The following LRRC4B variants were observed in gnomAD, a reference collection of about 807,000 sequenced individuals.
The protein encoded by LRRC4B is leucine rich repeat containing 4B, also known as leucine-rich repeat-containing protein 4B.
LRRC4B carries 1 observed loss-of-function variant against 7.3 expected under a neutral mutation model. The observed-to-expected ratio is 0.14, with a 90% confidence interval of 0.05 to 0.65. The LOEUF (loss-of-function observed/expected upper bound fraction) is 0.65, where lower values mean the gene tolerates loss of function less well. Ranked by LOEUF, LRRC4B falls within the 30% of genes least tolerant of loss-of-function variation. The pLI, the probability that LRRC4B is intolerant of heterozygous loss-of-function variation, is 0.84. For missense variants in LRRC4B, 730 were observed against 1,041.6 expected, an observed-to-expected ratio of 0.70 and a Z score of 4.12; for synonymous variants, 500 against 499.2, an observed-to-expected ratio of 1.00 and a Z score of -0.02.
chr19:50,533,956 C>T (rs1981160092), intron 2 of LRRC4B, among the ~76,000 whole-genome samples: 1 of 152,206 alleles, frequency 6.6e-6, no homozygotes, highest in African/African-American at 2.4e-5. Flanking sequence ...CACCTACCCA[C>T]CCTAAACTGA....
intron 2 of LRRC4B, among the ~76,000 whole-genome samples, chr19:50,525,566 C>T (rs35590723): frequency 0.28 from 41,611 of 150,324 alleles, 6,166 homozygotes; most frequent in Non-Finnish European, 0.34. Context: ...CCACCACACC[C>T]GGCTAATTTT....
At chr19:50,525,577 TG>T (rs1180162805) in intron 2 of LRRC4B, among the ~76,000 whole-genome samples, 3 of 139,388 alleles carry the variant, frequency 2.2e-5, no homozygotes, top group Non-Finnish European at 1.6e-5. Context: ...GGCTAATTTT[TG>T]TATTTTTTTT....
rs139554614 is a variant in LRRC4B, at chr19:50,540,704, C to T, written c.297+7838G>A. 4.0e-4 allele frequency among the ~76,000 whole-genome samples: 60 copies of T among 151,582 alleles called. 1 individual carries two copies. In the East Asian group the frequency reaches 8.8e-3, roughly 22 times the overall value. On this transcript the variant is annotated intron_variant, in intron 2 of 2. Transcript: ENST00000652263. ...TGAACCCTATTGTGAACTGTGCAGG[C>T]GAGGGATTTCGTTTACTTGCTCCTT...
intron 2 of LRRC4B, among the ~76,000 whole-genome samples, chr19:50,544,909 G>A (rs142937089): frequency 1.3e-5 from 2 of 151,800 alleles, no homozygotes; most frequent in African/African-American, 4.8e-5. Context: ...AAAAAAAATC[G>A]AGACCATCCT....
intron 1 of LRRC4B, among the ~76,000 whole-genome samples, chr19:50,552,571 C>CCCATCCGTCCAT (rs1381778678): frequency 2.3e-4 from 33 of 142,498 alleles, no homozygotes; most frequent in Non-Finnish European, 4.3e-4. Flanking sequence ...CATCCGTCCA[C>CCCATCCGTCCAT]CCATCCGTCC....
intron 2 of LRRC4B, among the ~76,000 whole-genome samples, chr19:50,544,684 T>C (rs1236912918): frequency 1.3e-5 from 2 of 152,210 alleles, no homozygotes; most frequent in African/African-American, 4.8e-5. Flanking sequence ...GGTTGGCTTC[T>C]GTCTTCCTGT....
In LRRC4B at chr19:50,548,806, C is replaced by T. The variant is rs759925812; in HGVS notation, c.33G>A (p.Pro11=). The T allele has an allele frequency of 2.7e-5, 37 of 1,370,498 alleles. No homozygotes were observed. Among genetic ancestry groups the T allele is most frequent in the African/African-American group, 1.2e-4 (8 of 65,294 alleles). The allele number at this position is 1,370,498 out of a possible 1,614,324, so 84.9% of individuals were successfully genotyped here. A position where few individuals can be genotyped will look rare whatever the true frequency, so the allele number is the denominator to read the frequency against. The stretch of plus-strand genomic sequence containing the variant: ...GCCAGGACATCCTACCGGGCGGCAG[C>T]GGGGGGCACGGGGAGCCGCGGGCAC... MARARGSPCP[P]LPPGRMSWPH... The change falls in exon 2 of 3, where the codon CCG becomes CCA. Residue 11 remains proline (P), a synonymous_variant. Coordinates refer to ENST00000652263, the MANE Select transcript of LRRC4B (RefSeq NM_001080457.2). This position sits in a 1 kb window ranked among gnomAD's most constrained non-coding sequence, Gnocchi z 6.8.
At chr19:50,542,642 A>G (rs1568727938) in intron 2 of LRRC4B, among the ~76,000 whole-genome samples, 1 of 151,648 alleles carries the variant, frequency 6.6e-6, no homozygotes, top group Non-Finnish European at 1.5e-5. Context: ...ATGCCTGGCT[A>G]ATTTTGGTAT....
At chr19:50,531,415 C>CGCTCA (rs993457771) in intron 2 of LRRC4B, among the ~76,000 whole-genome samples, 26 of 152,234 alleles carry the variant, frequency 1.7e-4, no homozygotes, top group African/African-American at 6.3e-4. Flanking sequence ...GGCTGCTCGG[C>CGCTCA]GCTCAGCACG....
At chr19:50,528,756 G>A (rs1204282956) in intron 2 of LRRC4B, among the ~76,000 whole-genome samples, 1 of 152,220 alleles carries the variant, frequency 6.6e-6, no homozygotes, top group African/African-American at 2.4e-5. Context: ...AGGAGGGTGT[G>A]AATGTATTTG....
Position 50,564,358 on chromosome 19 carries a change from G to A in LRRC4B, c.-36+3586C>T, listed in dbSNP as rs370096615. Among the ~76,000 whole-genome samples the A allele has an allele frequency of 3.9e-5, 6 of 152,152 alleles. No individual in the cohort carries two copies. The East Asian group carries it at 7.7e-4, about 20-fold the overall frequency. ...CAGGTAAGTGAGTCCTCAGGGATGT[G>A]GGGAGAGGGAGCCACGGGGAAGGAG... On this transcript the variant is annotated intron_variant, in intron 1 of 2. Coordinates refer to ENST00000652263, the MANE Select transcript of LRRC4B (RefSeq NM_001080457.2).
intron 1 of LRRC4B, among the ~76,000 whole-genome samples, chr19:50,566,754 T>C (rs1982642087): frequency 7.1e-6 from 1 of 141,130 alleles, no homozygotes; most frequent in African/African-American, 2.7e-5. Flanking sequence ...AGGAGAGAGC[T>C]AGGATTGGGG....
At chr19:50,561,796 GATT>G (rs1002355009) in intron 1 of LRRC4B, among the ~76,000 whole-genome samples, 5 of 150,506 alleles carry the variant, frequency 3.3e-5, no homozygotes, top group Non-Finnish European at 5.9e-5. Context: ...TAATTATTGT[GATT>G]ATTAACAATT....
At chr19:50,522,719 C>G (rs1980637900) in intron 2 of LRRC4B, among the ~76,000 whole-genome samples, 1 of 152,172 alleles carries the variant, frequency 6.6e-6, no homozygotes, top group African/African-American at 2.4e-5. Context: ...CTCAGGTGAT[C>G]CACCCGCCTT....
chr19:50,567,418 C>T (rs2122941580), intron 1 of LRRC4B, among the ~76,000 whole-genome samples: 1 of 151,916 alleles, frequency 6.6e-6, no homozygotes, highest in East Asian at 2.0e-4. Context: ...CTCCCCGGTT[C>T]TCCCCGGTTG....
At chr19:50,529,203 A>G (rs927951268) in intron 2 of LRRC4B, among the ~76,000 whole-genome samples, 5 of 151,952 alleles carry the variant, frequency 3.3e-5, no homozygotes, top group African/African-American at 1.2e-4. Context: ...TCTCATATCA[A>G]TGCGTTAGGA....
chr19:50,532,268 C>T (rs1033984222), intron 2 of LRRC4B, among the ~76,000 whole-genome samples: 9 of 151,814 alleles, frequency 5.9e-5, no homozygotes, highest in African/African-American at 2.2e-4. Context: ...AACAAAAAAA[C>T]AAAACACTGG....
At chr19:50,561,240 CAA>C (rs1982451533) in intron 1 of LRRC4B, among the ~76,000 whole-genome samples, 1 of 151,370 alleles carries the variant, frequency 6.6e-6, no homozygotes, top group Non-Finnish European at 1.5e-5. Context: ...ACTCATCTGT[CAA>C]GGAGTGGGGG....
rs1980397091 is a variant in LRRC4B, at chr19:50,518,366, G to A, written c.1347C>T (p.Ala449=). 1.3e-6 allele frequency: 2 copies of A among 1,599,506 alleles called. No individual in the cohort carries two copies. Among genetic ancestry groups the A allele is most frequent in the African/African-American group, 1.3e-5 (1 of 74,676 alleles). The change falls in exon 3 of 3, where the codon GCC becomes GCT. Residue 449 remains alanine (A), a synonymous_variant. Transcript: ENST00000652263. ...GGTCCACGGCCGAGACGTTGAGCGT[G>A]GCCGAGGCGGTGGTGTTGCCGGCTG... ...TNSAGNTTAS[A]TLNVSAVDPV... is the part of the protein sequence containing the mutation.
Sources: allele counts gnomAD v4.1 joint callset (sites outside exome capture counted in the v4.1 genomes callset), GRCh38; gene constraint gnomAD v4.1.1; non-coding constraint Gnocchi (gnomAD v3.1); transcripts MANE v1.5; gene names NCBI Gene and HGNC (gene_info 2026-07-23, HGNC 2026-07-21).